KLHL13: variants seen among roughly 807,000 people sequenced by gnomAD.
KLHL13 encodes the protein kelch-like protein 13.
A neutral mutation model predicts 37.1 loss-of-function variants in KLHL13; 10 were observed. The observed-to-expected ratio is 0.27, with a 90% CI of 0.17 to 0.46. The LOEUF (loss-of-function observed/expected upper bound fraction) is 0.46, where lower values mean the gene tolerates loss of function less well. Among genes scored for constraint, KLHL13 ranks in the 20% least tolerant of loss-of-function variants. The probability of loss-of-function intolerance (pLI) is 1.00; values close to 1 mark genes in which losing one functional copy is unlikely to be tolerated. For missense variants in KLHL13, 360 were observed against 509.3 expected, an observed-to-expected ratio of 0.71 and a Z score of 2.82; for synonymous variants, 163 against 181.2, an observed-to-expected ratio of 0.90 and a Z score of 0.81.
intron 4 of KLHL13, 120 bp downstream of exon 5, chrX:117,919,401 T>C (rs1931568617): frequency 8.8e-6 from 5 of 569,344 alleles, no homozygotes; most frequent in Non-Finnish European, 1.2e-5. Context: ...ACAGACCACA[T>C]ACAACAAGAC....
At chrX:118,028,203 A>T (rs770692573) in intron 1 of KLHL13, among the ~76,000 whole-genome samples, 10 of 111,487 alleles carry the variant, frequency 9.0e-5, no homozygotes, top group African/African-American at 3.2e-4. Flanking sequence ...TACCAATTAC[A>T]TTTTCTAAAT....
At chrX:117,901,688 A>G (rs941388840) in intron 6 of KLHL13, 145 bp downstream of exon 7, 38 of 321,150 alleles carry the variant, frequency 1.2e-4, no homozygotes, top group Non-Finnish European at 2.0e-4. Flanking sequence ...TATTTTTAAT[A>G]GAGACAGGAT....
In KLHL13 at chrX:117,938,016, G is replaced by A. The variant is rs147134683; in HGVS notation, c.240+7418C>T. 8.0e-3 allele frequency among the ~76,000 whole-genome samples: 895 copies of A among 111,856 alleles called. 7 individuals carry two copies. Among genetic ancestry groups the A allele is most frequent in the African/African-American group, 0.028 (862 of 30,878 alleles). ...TAAAACATGAAATCACATAAAACAC[G>A]GACTTTGGTGATTAGCCTCTTTCAA... On this transcript the variant is annotated intron_variant, in intron 2 of 6. Transcript: ENST00000262820.
chrX:118,097,787 TATCTGATCTTTGA>T (rs2148166968), intron 1 of KLHL13, among the ~76,000 whole-genome samples: 2 of 111,426 alleles, frequency 1.8e-5, no homozygotes, highest in African/African-American at 6.5e-5. Context: ...TATCTACAAC[TATCTGATCTTTGA>T]CAAACTGGAG....
At chrX:118,008,904 A>G (rs1190118047) in intron 1 of KLHL13, among the ~76,000 whole-genome samples, 2 of 111,781 alleles carry the variant, frequency 1.8e-5, no homozygotes, top group African/African-American at 6.5e-5. Flanking sequence ...AGAATAACAT[A>G]AATTAATATG....
intron 1 of KLHL13, among the ~76,000 whole-genome samples, chrX:118,104,576 C>T (rs2055325816): frequency 8.9e-6 from 1 of 111,903 alleles, no homozygotes; most frequent in Admixed American, 9.5e-5. Context: ...TAGATCAATA[C>T]ATACTGCCTT....
At chrX:117,953,466 A>G (rs1306666923) in intron 1 of KLHL13, among the ~76,000 whole-genome samples, 2 of 111,247 alleles carry the variant, frequency 1.8e-5, no homozygotes, top group Non-Finnish European at 3.8e-5. Context: ...TGACGAGTTA[A>G]TGGGTGCAGT....
At chrX:118,001,064 G>A (rs1283849398) in intron 1 of KLHL13, among the ~76,000 whole-genome samples, 1 of 111,882 alleles carries the variant, frequency 8.9e-6, no homozygotes, top group Non-Finnish European at 1.9e-5. Context: ...CAGAATAAAG[G>A]ATGGTCCTTT....
intron 4 of KLHL13, among the ~76,000 whole-genome samples, chrX:117,910,905 T>C (rs1411402727): frequency 4.5e-5 from 5 of 111,132 alleles, no homozygotes; most frequent in African/African-American, 1.3e-4. Context: ...CTCCCCACCA[T>C]AGAGCAAAAT....
At chrX:118,027,504 C>T (rs1046545768) in intron 1 of KLHL13, among the ~76,000 whole-genome samples, 6 of 110,905 alleles carry the variant, frequency 5.4e-5, no homozygotes, top group African/African-American at 2.0e-4. Context: ...TATTAAGAAA[C>T]AGTTGTTTTT....
In KLHL13 at chrX:117,945,593, T is replaced by C. The variant is rs760059991; in HGVS notation, c.99-18A>G. ...CGAGAGATCTGAAAGTTTTTTTACA[T>C]AAGAAAGAAGGGGAAATTAAAACTT... On this transcript the variant is annotated intron_variant, in intron 1 of 6. Coordinates refer to ENST00000262820, the Ensembl canonical transcript of KLHL13. The C allele has an allele frequency of 2.6e-6, 3 of 1,171,139 alleles. No individual in the cohort carries two copies. The highest frequency in any genetic ancestry group is 3.5e-6 in the Non-Finnish European group (3 of 866,646).
intron 1 of KLHL13, among the ~76,000 whole-genome samples, chrX:118,024,146 T>C (rs1366910136): frequency 8.9e-6 from 1 of 112,282 alleles, no homozygotes; most frequent in Non-Finnish European, 1.9e-5. Flanking sequence ...TTCAGTTACC[T>C]TGCCATTTAC....
intron 2 of KLHL13, among the ~76,000 whole-genome samples, chrX:117,943,077 G>A (rs773568506): frequency 5.0e-4 from 55 of 111,055 alleles, no homozygotes; most frequent in Non-Finnish European, 7.5e-5. Context: ...TTTATCCTTT[G>A]TTTATGAAGC....
chrX:118,098,574 G>A (rs1422343101), intron 1 of KLHL13, among the ~76,000 whole-genome samples: 3 of 109,331 alleles, frequency 2.7e-5, no homozygotes, highest in Admixed American at 9.8e-5. Flanking sequence ...CCCATTACTG[G>A]GTATATACCC....
intron 2 of KLHL13, among the ~76,000 whole-genome samples, chrX:117,936,808 G>A (rs1206557719): frequency 9.0e-6 from 1 of 111,499 alleles, no homozygotes; most frequent in East Asian, 2.8e-4. Context: ...TTTACCTCAA[G>A]TGGAAGGAAA....
chrX:117,922,827 G>C (rs1931795793), intron 2 of KLHL13, among the ~76,000 whole-genome samples: 1 of 111,721 alleles, frequency 9.0e-6, no homozygotes, highest in South Asian at 3.7e-4. Context: ...AAACTTAAAG[G>C]CTACCTCTTT....
At chrX:118,045,782 G>T (rs5956004) in intron 1 of KLHL13, among the ~76,000 whole-genome samples, 5,893 of 111,021 alleles carry the variant, frequency 0.053, 395 homozygotes, top group African/African-American at 0.18. Flanking sequence ...ACTCCAGCTT[G>T]GGCAGCAGAG....
intron 1 of KLHL13, among the ~76,000 whole-genome samples, chrX:118,058,980 T>C (rs2054713470): frequency 9.0e-6 from 1 of 111,512 alleles, no homozygotes; most frequent in Admixed American, 9.6e-5. Flanking sequence ...CAATTCTAAA[T>C]CTGTTTGGCC....
intron 1 of KLHL13, among the ~76,000 whole-genome samples, chrX:118,038,103 A>T (rs1265333553): frequency 8.9e-6 from 1 of 112,521 alleles, no homozygotes; most frequent in South Asian, 3.7e-4. Flanking sequence ...CACACCAAAC[A>T]GTGTCTAACA....
Sources: gnomAD v4.1 joint callset for allele counts (sites outside exome capture counted in the v4.1 genomes callset) on GRCh38, gnomAD v4.1.1 for gene constraint, MANE v1.5 for transcripts, NCBI Gene and HGNC (gene_info 2026-07-23, HGNC 2026-07-21) for gene names.